FHIT: variants seen among roughly 807,000 people sequenced by gnomAD.
The protein encoded by FHIT is fragile histidine triad diadenosine triphosphatase, also known as bis(5'-adenosyl)-triphosphatase.
FHIT carries 19 observed loss-of-function variants against 17.9 expected under a neutral mutation model. That is an observed-to-expected ratio of 1.06 (90% CI 0.74 to 1.56). FHIT has a LOEUF of 1.56. Ranked by LOEUF, FHIT falls within the 40% of genes most tolerant of loss-of-function variation. The probability of loss-of-function intolerance (pLI) is 0.00; values close to 1 mark genes in which losing one functional copy is unlikely to be tolerated. For synonymous variants in FHIT, 81 were observed against 69.7 expected, an observed-to-expected ratio of 1.16 and a Z score of -0.81; for missense variants, 248 against 189.2, an observed-to-expected ratio of 1.31 and a Z score of -1.82.
chr3:60,205,876 A>AGG (rs1269342580), intron 5 of FHIT, among the ~76,000 whole-genome samples: 1 of 151,912 alleles, frequency 6.6e-6, no homozygotes, highest in South Asian at 2.1e-4. Flanking sequence ...TGGGAGGCCG[A>AGG]GGGGGGCAGA....
intron 3 of FHIT, among the ~76,000 whole-genome samples, chr3:60,925,427 T>A (rs1330375902): frequency 6.6e-6 from 1 of 152,168 alleles, no homozygotes; most frequent in Admixed American, 6.5e-5. Context: ...AAGAAAAGAA[T>A]TTTCAACCCA....
chr3:59,973,142 T>C (rs1166108681), intron 7 of FHIT, among the ~76,000 whole-genome samples: 1 of 152,068 alleles, frequency 6.6e-6, no homozygotes, highest in East Asian at 1.9e-4. Flanking sequence ...CTCTTTCTGG[T>C]TAAACTCTTG....
chr3:60,780,713 T>A lies in FHIT; in HGVS notation c.-18+41206A>T, dbSNP rs79739339. Reference sequence around the variant, plus strand: ...GGTCAGTCTTCATCCTTATCCTTAATCTAAACGGCAGCTGGATGTACCTCT... The same window carrying A: ...GGTCAGTCTTCATCCTTATCCTTAAACTAAACGGCAGCTGGATGTACCTCT... On this transcript the variant is annotated intron_variant, in intron 4 of 9. Transcript: ENST00000492590. Among the ~76,000 whole-genome samples the A allele has an allele frequency of 1.4e-3, 215 of 152,214 alleles. 1 individual carries two copies. Among genetic ancestry groups the A allele is most frequent in the African/African-American group, 5.1e-3 (212 of 41,524 alleles).
chr3:60,046,907 G>A (rs560841569), intron 5 of FHIT, among the ~76,000 whole-genome samples: 3 of 152,194 alleles, frequency 2.0e-5, no homozygotes, highest in African/African-American at 7.2e-5. Flanking sequence ...TCCCTTTTAC[G>A]CATTACAAGA....
intron 7 of FHIT, among the ~76,000 whole-genome samples, chr3:60,010,944 G>C (rs1051533069): frequency 7.2e-5 from 11 of 152,066 alleles, no homozygotes; most frequent in African/African-American, 2.7e-4. Context: ...CTACTGCTGC[G>C]GTTATTGCTT....
chr3:61,104,563 T>A (rs2035935848), intron 2 of FHIT, among the ~76,000 whole-genome samples: 1 of 152,124 alleles, frequency 6.6e-6, no homozygotes, highest in Non-Finnish European at 1.5e-5. Context: ...GATCTTCTTG[T>A]GAAGTATCTT....
chr3:61,075,218 A>G (rs1012307016), intron 2 of FHIT, among the ~76,000 whole-genome samples: 2 of 152,144 alleles, frequency 1.3e-5, no homozygotes, highest in African/African-American at 4.8e-5. Context: ...TTCTGCATCA[A>G]CCTTGTGTCG....
At chr3:60,391,022 T>C (rs980872666) in intron 5 of FHIT, among the ~76,000 whole-genome samples, 5 of 151,892 alleles carry the variant, frequency 3.3e-5, no homozygotes, top group Admixed American at 2.0e-4. Context: ...TGTATGTGTG[T>C]ACTACAAATA....
At chr3:60,623,395 T>C (rs568926427) in intron 4 of FHIT, among the ~76,000 whole-genome samples, 2 of 152,298 alleles carry the variant, frequency 1.3e-5, no homozygotes, top group African/African-American at 4.8e-5. Flanking sequence ...TATTGGAGCT[T>C]TATAGAAATC....
Position 61,036,958 on chromosome 3 carries a change from C to T in FHIT, c.-111+5089G>A, listed in dbSNP as rs187865129. The stretch of plus-strand genomic sequence containing the variant: ...ATGGAGTCTCGCTCTTTCGCCTAGG[C>T]CGGAGTGCAGTGGCACTATCTCCGC... On this transcript the variant is annotated intron_variant, in intron 3 of 9. Transcript: ENST00000492590. Among the ~76,000 whole-genome samples the T allele has an allele frequency of 2.2e-4, 32 of 145,690 alleles. No homozygotes were observed. The East Asian group carries it at 6.5e-3, about 30-fold the overall frequency.
chr3:60,574,341 C>A (rs2107668709), intron 4 of FHIT, among the ~76,000 whole-genome samples: 1 of 151,818 alleles, frequency 6.6e-6, no homozygotes, highest in South Asian at 2.1e-4. Context: ...TCCCCAGCAT[C>A]CTTGTATCTC....
At chr3:60,668,471 G>C (rs1429376970) in intron 4 of FHIT, among the ~76,000 whole-genome samples, 4 of 150,750 alleles carry the variant, frequency 2.7e-5, no homozygotes, top group African/African-American at 9.7e-5. Flanking sequence ...ACTCGGTCTA[G>C]GTGACCATCT....
chr3:60,113,758 T>C (rs997979438), intron 5 of FHIT, among the ~76,000 whole-genome samples: 1 of 150,768 alleles, frequency 6.6e-6, no homozygotes, highest in Non-Finnish European at 1.5e-5. Flanking sequence ...TCCCAGCACT[T>C]TGGGAGGCCG....
At chr3:60,289,970 C>T (rs1476318956) in intron 5 of FHIT, among the ~76,000 whole-genome samples, 1 of 152,168 alleles carries the variant, frequency 6.6e-6, no homozygotes, top group African/African-American at 2.4e-5. Context: ...ATTTCTGAAG[C>T]TCTATAGTTC....
intron 3 of FHIT, among the ~76,000 whole-genome samples, chr3:60,891,775 T>G (rs1705526983): frequency 6.6e-6 from 1 of 152,166 alleles, no homozygotes; most frequent in Middle Eastern, 3.2e-3. Context: ...TACAATTTAT[T>G]ACACTCCCTT....
At chr3:60,883,198 C>T (rs1280789213) in intron 3 of FHIT, among the ~76,000 whole-genome samples, 2 of 151,940 alleles carry the variant, frequency 1.3e-5, no homozygotes, top group African/African-American at 2.4e-5. Flanking sequence ...TGACAGGACA[C>T]TGATAAAAGA....
intron 1 of FHIT, among the ~76,000 whole-genome samples, chr3:61,224,472 A>G (rs1382972486): frequency 1.3e-5 from 2 of 152,182 alleles, no homozygotes; most frequent in East Asian, 3.8e-4. Flanking sequence ...GCTGGAATGC[A>G]ACGATATGAT....
In FHIT at chr3:60,246,876, A is replaced by C. The variant is rs961167073; in HGVS notation, c.104-232724T>G. On this transcript the variant is annotated intron_variant, in intron 5 of 9. Coordinates refer to ENST00000492590, the MANE Select transcript of FHIT (RefSeq NM_002012.4). ...ACTGGGTTTTCAAAATGATTCTCCT[A>C]AACAGCTGATTACGTATTTTAAGTT... Among the ~76,000 whole-genome samples, 5 of 152,140 alleles carry C rather than the reference A, an allele frequency of 3.3e-5. No individual in the cohort carries two copies. The East Asian group carries it at 9.6e-4, about 29-fold the overall frequency.
intron 5 of FHIT, among the ~76,000 whole-genome samples, chr3:60,441,416 A>G (rs2030788787): frequency 6.6e-6 from 1 of 152,060 alleles, no homozygotes; most frequent in Non-Finnish European, 1.5e-5. Context: ...GAAGTAGCTC[A>G]CTGAATCATT....
Sources: gnomAD v4.1 joint callset for allele counts (sites outside exome capture counted in the v4.1 genomes callset) on GRCh38, gnomAD v4.1.1 for gene constraint, MANE v1.5 for transcripts, NCBI Gene and HGNC (gene_info 2026-07-23, HGNC 2026-07-21) for gene names.